The following PCDHGB1 variants were observed in gnomAD, a reference collection of about 807,000 sequenced individuals.
PCDHGB1 encodes the protein protocadherin gamma-B1.
A neutral mutation model predicts 56.6 loss-of-function variants in PCDHGB1; 34 were observed. That is an observed-to-expected ratio of 0.60 (90% CI 0.46 to 0.80). PCDHGB1 has a LOEUF of 0.80. Ranked by LOEUF, PCDHGB1 falls within the 30% of genes least tolerant of loss-of-function variation. The pLI is 0.00. For synonymous variants in PCDHGB1, 561 were observed against 505.9 expected (o/e 1.11, Z -1.46); for missense variants, 1,278 against 1,204.6 (o/e 1.06, Z -0.90).
Position 141,351,809 on chromosome 5 carries a change from G to C in PCDHGB1, c.1549G>C (p.Asp517His), listed in dbSNP as rs1758832270. The change falls in exon 1 of 4, where the codon GAC (aspartate) becomes CAC (histidine). Residue 517 changes from aspartate to histidine, a missense_variant. Transcript: ENST00000523390. ...GGTGGTGTTCGCGCAGCGCGCCTTC[G>C]ACCACGAGCAGCTGCGCGCCTTCGA... ...SGVVFAQRAF[D>H]HEQLRAFELT... is the part of the protein sequence containing the mutation. 1 of 1,613,174 alleles carries C rather than the reference G, an allele frequency of 6.2e-7. No homozygotes were observed. Among genetic ancestry groups the C allele is most frequent in the Non-Finnish European group, 8.5e-7 (1 of 1,179,890 alleles).
intron 1 of PCDHGB1, among the ~76,000 whole-genome samples, chr5:141,401,149 C>T (rs1398876381): frequency 6.6e-6 from 1 of 152,132 alleles, no homozygotes; most frequent in Non-Finnish European, 1.5e-5. Flanking sequence ...CAAGACCAGC[C>T]TGGGCAATAT....
intron 1 of PCDHGB1, chr5:141,478,312 C>T (rs768312280): frequency 8.1e-6 from 13 of 1,614,002 alleles, no homozygotes; most frequent in East Asian, 2.2e-5. Flanking sequence ...CCCCGGTGAG[C>T]TCACTGTACC....
intron 1 of PCDHGB1, among the ~76,000 whole-genome samples, chr5:141,353,606 T>C (rs539618860): frequency 1.4e-4 from 21 of 152,372 alleles, no homozygotes; most frequent in African/African-American, 4.8e-4. Context: ...TCTTAACCAT[T>C]CCTAAATTAT....
At chr5:141,447,636 T>C (rs772671166) in intron 1 of PCDHGB1, among the ~76,000 whole-genome samples, 49 of 152,136 alleles carry the variant, frequency 3.2e-4, no homozygotes, top group Non-Finnish European at 5.3e-4. Context: ...ACAGTATGAA[T>C]GATGGTAGAA....
chr5:141,442,485 G>A (rs1000683527), intron 1 of PCDHGB1: 2 of 152,248 alleles, frequency 1.3e-5, no homozygotes, highest in Non-Finnish European at 2.9e-5. Flanking sequence ...TGGGGAAGGG[G>A]ATGATTGTGA....
In PCDHGB1 at chr5:141,392,739, A is replaced by G. The variant is rs1024855569; in HGVS notation, c.2409+40070A>G. On this transcript the variant is annotated intron_variant, in intron 1 of 3. Transcript: ENST00000523390. ...GTTTCCGGAGGATTGTCATCTCCAT[A>G]GCTGCGGCAAGAAACTAAATAAGAC... The G allele has an allele frequency of 2.1e-5, 30 of 1,432,662 alleles. No individual in the cohort carries two copies. The African/African-American group carries it at 4.2e-4, about 20-fold the overall frequency. 88.7% of individuals were successfully genotyped at this position (1,432,662 alleles called of 1,614,324 possible).
chr5:141,431,376 CT>C lies in PCDHGB1; in HGVS notation c.2410-63430del. The C allele has an allele frequency of 1.2e-6, 2 of 1,613,436 alleles. No individual in the cohort carries two copies. The highest frequency in any genetic ancestry group is 1.7e-6 in the Non-Finnish European group (2 of 1,179,562). On this transcript the variant is annotated intron_variant, in intron 1 of 3. Transcript: ENST00000523390. This position sits in a 1 kb window ranked among gnomAD's most constrained non-coding sequence, Gnocchi z 4.8. ...CGCGCCCTGGACCGCGAAGAAAAGG[CT>C]GCTCACCACCTGGTCCTTACGGCCT...
chr5:141,361,966 G>T (rs763102211), intron 1 of PCDHGB1: 1 of 1,601,844 alleles, frequency 6.2e-7, no homozygotes, highest in African/African-American at 1.3e-5. Context: ...CGTGCTGCAG[G>T]CCAGCGAGCC....
chr5:141,356,659 AT>A, intron 1 of PCDHGB1: 1 of 1,614,050 alleles, frequency 6.2e-7, no homozygotes, highest in Non-Finnish European at 8.5e-7. Context: ...CAATGCCCGA[AT>A]CACTTACTCC....
chr5:141,368,384 C>A (rs1263453291), intron 1 of PCDHGB1, among the ~76,000 whole-genome samples: 1 of 151,986 alleles, frequency 6.6e-6, no homozygotes, highest in Non-Finnish European at 1.5e-5. Context: ...TACACACATA[C>A]ACACACACAA....
Position 141,476,538 on chromosome 5 carries a change from A to G in PCDHGB1, c.2410-18269A>G, listed in dbSNP as rs2099393283. ...CCTGCTTTCCCTACCCAGGAAATGAAATTGGAGATTAGCGAGGCCGTGGCT... is the reference window on the plus strand; with the variant it reads ...CCTGCTTTCCCTACCCAGGAAATGAGATTGGAGATTAGCGAGGCCGTGGCT... On this transcript the variant is annotated intron_variant, in intron 1 of 3. Coordinates refer to ENST00000523390, the MANE Select transcript of PCDHGB1 (RefSeq NM_018922.3). The surrounding 1 kb of genome is among the most constrained non-coding windows in gnomAD (Gnocchi z 7.6). 1.2e-6 allele frequency: 2 copies of G among 1,614,162 alleles called. No homozygotes were observed. Among genetic ancestry groups the G allele is most frequent in the Non-Finnish European group, 1.7e-6 (2 of 1,180,042 alleles).
chr5:141,402,955 G>A (rs753305536), intron 1 of PCDHGB1: 3 of 1,601,910 alleles, frequency 1.9e-6, no homozygotes, highest in Non-Finnish European at 2.6e-6. Context: ...AGGCAGCAAT[G>A]GCAGCTCCAA....
intron 1 of PCDHGB1, chr5:141,399,104 A>G (rs561995889): frequency 6.2e-7 from 1 of 1,613,860 alleles, no homozygotes; most frequent in South Asian, 1.1e-5. Context: ...CTGGTTGCAC[A>G]ATGTACAGTT....
At chr5:141,387,386 A>G (rs1451460616) in intron 1 of PCDHGB1, among the ~76,000 whole-genome samples, 14 of 152,232 alleles carry the variant, frequency 9.2e-5, no homozygotes, top group Non-Finnish European at 1.5e-5. Flanking sequence ...TTATATAGAT[A>G]GTGCATGTTT....
intron 1 of PCDHGB1, among the ~76,000 whole-genome samples, chr5:141,468,247 C>T (rs925455907): frequency 6.7e-6 from 1 of 149,930 alleles, no homozygotes; most frequent in Non-Finnish European, 1.5e-5. Flanking sequence ...ATTGCCTGAA[C>T]CTGGGAGGCA....
chr5:141,489,990 A>G lies in PCDHGB1; in HGVS notation c.2410-4817A>G. ...TCCAATCCTCAGTTCTACGTGTGGG[A>G]ATCCCAGAGAATGCACCCATTGGTA... is the stretch of plus-strand genomic sequence containing the variant. On this transcript the variant is annotated intron_variant, in intron 1 of 3. Transcript: ENST00000523390. This position sits in a 1 kb window ranked among gnomAD's most constrained non-coding sequence, Gnocchi z 4.5. 6.2e-7 allele frequency: 1 copy of G among 1,614,256 alleles called. No individual in the cohort carries two copies. Among genetic ancestry groups the G allele is most frequent in the Non-Finnish European group, 8.5e-7 (1 of 1,180,030 alleles).
At chr5:141,366,010 T>A in intron 1 of PCDHGB1, 1 of 1,614,232 alleles carries the variant, frequency 6.2e-7, no homozygotes, top group South Asian at 1.1e-5. Context: ...ACAATACGCC[T>A]GAGATCCTGT....
chr5:141,476,979 G>C lies in PCDHGB1; in HGVS notation c.2410-17828G>C. On this transcript the variant is annotated intron_variant, in intron 1 of 3. Coordinates refer to ENST00000523390, the MANE Select transcript of PCDHGB1 (RefSeq NM_018922.3). The surrounding 1 kb of genome is among the most constrained non-coding windows in gnomAD (Gnocchi z 7.6). Reference sequence around the variant, plus strand: ...ATTTACTCCTTCGGCAGCCACAACCGCGCCGGCGTGCGGCAACTATTCGCC... The same window carrying C: ...ATTTACTCCTTCGGCAGCCACAACCCCGCCGGCGTGCGGCAACTATTCGCC... 1 of 1,614,238 alleles carries C rather than the reference G, an allele frequency of 6.2e-7. No homozygotes were observed. The highest frequency in any genetic ancestry group is 1.3e-5 in the African/African-American group (1 of 75,074).
intron 1 of PCDHGB1, chr5:141,384,433 G>A (rs1351940709): frequency 6.2e-7 from 1 of 1,613,998 alleles, no homozygotes. Flanking sequence ...CTCTGACACT[G>A]GAGTCCTGTA....
Sources: allele counts gnomAD v4.1 joint callset (sites outside exome capture counted in the v4.1 genomes callset), GRCh38; gene constraint gnomAD v4.1.1; non-coding constraint Gnocchi (gnomAD v3.1); transcripts MANE v1.5; gene names NCBI Gene and HGNC (gene_info 2026-07-23, HGNC 2026-07-21).